PACRG: variants seen among roughly 807,000 people sequenced by gnomAD.
PACRG encodes the protein parkin coregulated gene protein.
A neutral mutation model predicts 29.7 loss-of-function variants in PACRG; 29 were observed. The observed-to-expected ratio is 0.98, with a 90% CI of 0.73 to 1.33. The LOEUF (loss-of-function observed/expected upper bound fraction) is 1.33, where lower values mean the gene tolerates loss of function less well. PACRG is among the 40% of genes most tolerant of loss of function. PACRG has a pLI of 0.00. For synonymous variants in PACRG, 116 were observed against 118.7 expected, an observed-to-expected ratio of 0.98 and a Z score of 0.15; for missense variants, 279 against 316.2, an observed-to-expected ratio of 0.88 and a Z score of 0.89.
rs138469237 is a variant in PACRG, at chr6:162,809,970, G to T, written c.157-4177G>T. On this transcript the variant is annotated intron_variant, in intron 1 of 4. Transcript: ENST00000366888. The stretch of plus-strand genomic sequence containing the variant: ...TTCCCCACTTAGTGACGAAAGAGTT[G>T]TCTCCTTCCCATTGGAGTTAAGTCA... 5.6e-3 allele frequency among the ~76,000 whole-genome samples: 855 copies of T among 152,292 alleles called. 11 individuals are homozygous for T. The highest frequency in any genetic ancestry group is 0.02 in the African/African-American group (817 of 41,574).
chr6:163,181,537 G>T (rs943164261), intron 4 of PACRG, among the ~76,000 whole-genome samples: 6 of 136,228 alleles, frequency 4.4e-5, no homozygotes, highest in African/African-American at 1.6e-4. Flanking sequence ...TCCACCCCCA[G>T]AGGATTTGCC....
intron 4 of PACRG, among the ~76,000 whole-genome samples, chr6:163,245,702 T>C (rs1350062411): frequency 2.0e-5 from 3 of 152,134 alleles, no homozygotes; most frequent in Non-Finnish European, 4.4e-5. Context: ...TCTGAGCTTC[T>C]AACTCCTGTG....
intron 2 of PACRG, among the ~76,000 whole-genome samples, chr6:162,903,957 G>A (rs191715501): frequency 7.2e-5 from 11 of 152,222 alleles, no homozygotes; most frequent in Non-Finnish European, 1.5e-4. Context: ...TGATTGCAGG[G>A]GCTGGCGAGT....
At chr6:163,081,514 TG>T (rs1319370235) in intron 3 of PACRG, among the ~76,000 whole-genome samples, 1 of 152,188 alleles carries the variant, frequency 6.6e-6, no homozygotes, top group Non-Finnish European at 1.5e-5. Context: ...CCCAACACTT[TG>T]GAAGGCCAAG....
intron 4 of PACRG, among the ~76,000 whole-genome samples, chr6:163,106,249 CTCCA>C (rs1206971368): frequency 6.6e-6 from 1 of 152,170 alleles, no homozygotes; most frequent in Non-Finnish European, 1.5e-5. Flanking sequence ...GTACAGTTTT[CTCCA>C]TCCATAAATA....
intron 2 of PACRG, among the ~76,000 whole-genome samples, chr6:162,976,701 T>C (rs927460982): frequency 1.3e-5 from 2 of 152,214 alleles, no homozygotes; most frequent in Non-Finnish European, 2.9e-5. Context: ...AGAATCTAAC[T>C]AATGTAATAA....
intron 2 of PACRG, among the ~76,000 whole-genome samples, chr6:162,876,913 A>G (rs989959834): frequency 1.6e-4 from 24 of 152,128 alleles, no homozygotes; most frequent in African/African-American, 5.8e-4. Flanking sequence ...GGTCCACGCC[A>G]GTTAGAATAA....
chr6:162,999,045 G>A (rs1314981031), intron 2 of PACRG, among the ~76,000 whole-genome samples: 1 of 152,110 alleles, frequency 6.6e-6, no homozygotes, highest in African/African-American at 2.4e-5. Context: ...GAATAGGAAA[G>A]AACTTGCACT....
At chr6:162,818,402 C>A (rs1490091274) in intron 2 of PACRG, among the ~76,000 whole-genome samples, 2 of 152,002 alleles carry the variant, frequency 1.3e-5, no homozygotes, top group Non-Finnish European at 2.9e-5. Context: ...GGGGACGGGG[C>A]TCTTTGTAAA....
rs547737147 is a variant in PACRG at position 163,163,724 on chromosome 6, C to T, written c.613+74316C>T. On this transcript the variant is annotated intron_variant, in intron 4 of 4. Transcript: ENST00000366888. Reference sequence around the variant, plus strand: ...GTTTATGAGTCATTCAAAAAGTGTTCAGTAGCATATTAAATATTGAGATTA... The same window carrying T: ...GTTTATGAGTCATTCAAAAAGTGTTTAGTAGCATATTAAATATTGAGATTA... Among the ~76,000 whole-genome samples the T allele has an allele frequency of 3.9e-3, 593 of 151,996 alleles. 2 individuals carry two copies. Among genetic ancestry groups the T allele is most frequent in the African/African-American group, 0.013 (551 of 41,344 alleles).
chr6:163,140,106 A>G (rs959549453), intron 4 of PACRG, among the ~76,000 whole-genome samples: 1 of 152,176 alleles, frequency 6.6e-6, no homozygotes, highest in Non-Finnish European at 1.5e-5. Context: ...CGCTCTTACC[A>G]TGATGGCTCT....
At chr6:162,893,084 A>T (rs1354551784) in intron 2 of PACRG, among the ~76,000 whole-genome samples, 1 of 142,550 alleles carries the variant, frequency 7.0e-6, no homozygotes, top group Non-Finnish European at 1.6e-5. Context: ...CTCCACTAAG[A>T]GGTAAGCGGG....
chr6:163,003,444 C>G (rs377185342), intron 2 of PACRG, among the ~76,000 whole-genome samples: 9 of 151,860 alleles, frequency 5.9e-5, no homozygotes, highest in Non-Finnish European at 1.3e-4. Flanking sequence ...GTTTGCAATA[C>G]CAGAATCAAG....
At chr6:163,223,413 A>C (rs1045337780) in intron 4 of PACRG, among the ~76,000 whole-genome samples, 6 of 152,158 alleles carry the variant, frequency 3.9e-5, no homozygotes, top group Non-Finnish European at 8.8e-5. Context: ...AAAATAAAAA[A>C]TAAAAGAATA....
chr6:162,884,080 A>G (rs1215118802), intron 2 of PACRG, among the ~76,000 whole-genome samples: 2 of 151,986 alleles, frequency 1.3e-5, no homozygotes, highest in Non-Finnish European at 2.9e-5. Flanking sequence ...TCCCCCAAGT[A>G]GCTGAGACTA....
At chr6:163,074,795 G>T (rs480553) in intron 3 of PACRG, among the ~76,000 whole-genome samples, 3 of 151,928 alleles carry the variant, frequency 2.0e-5, no homozygotes, top group Non-Finnish European at 2.9e-5. Flanking sequence ...TTTAAATTAC[G>T]AATAACATTG....
chr6:163,051,745 T>C (rs1421080299), intron 2 of PACRG: 1 of 152,238 alleles, frequency 6.6e-6, no homozygotes, highest in Admixed American at 6.5e-5. Context: ...CCTAATCTGA[T>C]ACTTCCTGGG....
At chr6:163,280,068 T>C (rs137912547) in intron 4 of PACRG, among the ~76,000 whole-genome samples, 1,702 of 152,336 alleles carry the variant, frequency 0.011, 34 homozygotes, top group African/African-American at 0.039. Flanking sequence ...TGCTGCCACC[T>C]GGCCAGCTGG....
At chr6:163,096,865 A>G (rs1814639799) in intron 4 of PACRG, among the ~76,000 whole-genome samples, 1 of 152,218 alleles carries the variant, frequency 6.6e-6, no homozygotes, top group Admixed American at 6.5e-5. Context: ...AACATCTAAG[A>G]TGATTACATA....
Sources: allele counts gnomAD v4.1 joint callset (sites outside exome capture counted in the v4.1 genomes callset), GRCh38; gene constraint gnomAD v4.1.1; transcripts MANE v1.5; gene names NCBI Gene and HGNC (gene_info 2026-07-23, HGNC 2026-07-21).